Variants in CIC observed in about 807,000 individuals in gnomAD.
CIC encodes capicua transcriptional repressor, also known as protein capicua homolog.
Under a neutral mutation model 115.7 loss-of-function variants are expected in CIC, and 18 were observed. The ratio of observed to expected loss-of-function variants is 0.16; its 90% CI spans 0.11 to 0.23. The LOEUF (loss-of-function observed/expected upper bound fraction) is 0.23. Ranked by LOEUF, CIC falls within the 10% of genes least tolerant of loss-of-function variation. The pLI is 1.00. For synonymous variants in CIC, 1,076 were observed against 923.0 expected, an observed-to-expected ratio of 1.17 and a Z score of -3.01; for missense variants, 2,000 against 2,159.3, an observed-to-expected ratio of 0.93 and a Z score of 1.46.
In CIC at chr19:42,294,010, C is replaced by G; in HGVS notation, c.6843C>G (p.Pro2281=). ...LPEFRPEEVL[P]SPTLQSLATS... Reference sequence around the variant, plus strand: ...AGTTTCGGCCTGAGGAGGTGCTGCCCTCCCCCACCCTGCAGTCTCTGGCCA... The same window carrying G: ...AGTTTCGGCCTGAGGAGGTGCTGCCGTCCCCCACCCTGCAGTCTCTGGCCA... Residue 2281 remains proline, a synonymous_variant, in exon 18 of 21, where the codon CCC becomes CCG. Transcript: ENST00000681038. The G allele has an allele frequency of 6.2e-7, 1 of 1,613,630 alleles. No individual in the cohort carries two copies. The highest frequency in any genetic ancestry group is 1.1e-5 in the South Asian group (1 of 91,084).
Position 42,294,820 on chromosome 19 carries a change from C to A in CIC, c.7187-4C>A. ...TGTGCTCCCCACCGTTTTTCTATCT[C>A]CAGCCCAGGCCACAGCCGCCTTCCA... On this transcript the variant is annotated splice_region_variant and splice_polypyrimidine_tract_variant and intron_variant, in intron 20 of 20. Coordinates refer to ENST00000681038, the MANE Select transcript of CIC (RefSeq NM_001386298.1). The A allele has an allele frequency of 6.2e-7, 1 of 1,603,328 alleles. No homozygotes were observed.
intron 2 of CIC, among the ~76,000 whole-genome samples, chr19:42,278,044 C>CA (rs1599860206): frequency 1.3e-5 from 2 of 152,366 alleles, no homozygotes; most frequent in East Asian, 3.9e-4. Context: ...CATCAGAGGG[C>CA]AGCAGGTGTG....
rs534852169 is a variant in CIC at position 42,270,814 on chromosome 19, T to A, written c.-10-960T>A. ...CCTGGGGTGTAGCTCTGTGTCCCAC[T>A]GTGTGATGACGTGTGCGTGCTTCTG... On this transcript the variant is annotated intron_variant, in intron 1 of 20. Transcript: ENST00000681038. This position sits in a 1 kb window ranked among gnomAD's most constrained non-coding sequence, Gnocchi z 4.1. Among the ~76,000 whole-genome samples the A allele has an allele frequency of 2.0e-5, 3 of 152,112 alleles. No individual in the cohort carries two copies. The highest frequency in any genetic ancestry group is 4.4e-5 in the Non-Finnish European group (3 of 67,992).
chr19:42,294,332 C>A (rs753652538), intron 19 of CIC, 28 bp downstream of exon 19: 1 of 1,610,608 alleles, frequency 6.2e-7, no homozygotes, highest in African/African-American at 1.3e-5. Flanking sequence ...ACTTTGGGGG[C>A]CTGGGGACCT....
At chr19:42,292,274 C>G (rs758051264) in intron 13 of CIC, 26 bp from the exon 14 acceptor site, 2 of 1,613,516 alleles carry the variant, frequency 1.2e-6, no homozygotes, top group Non-Finnish European at 1.7e-6. Flanking sequence ...TTACCTCACT[C>G]CTCCCCATTT....
intron 2 of CIC, chr19:42,283,988 CGGAAGGCCGCGGGGGAAGCGG>C (rs1485248514): frequency 6.8e-6 from 1 of 147,250 alleles, no homozygotes; most frequent in African/African-American, 2.5e-5. Context: ...CGGGCTTGCG[CGGAAGGCCGCGGGGGAAGCGG>C]GGAAGGGGCG....
intron 1 of CIC, among the ~76,000 whole-genome samples, chr19:42,269,939 C>G (rs2036711348): frequency 1.3e-5 from 2 of 152,062 alleles, no homozygotes; most frequent in South Asian, 4.2e-4. Flanking sequence ...CTACTCAGAT[C>G]TGAGGAAGGT....
At chr19:42,289,552 C>T (rs1352937641) in intron 9 of CIC, 146 bp downstream of exon 9, 8 of 970,372 alleles carry the variant, frequency 8.2e-6, no homozygotes, top group South Asian at 2.8e-5. Flanking sequence ...CAGGCCCTGC[C>T]GAGTAAATCC....
rs1476250138 is a variant in CIC at position 42,280,527 on chromosome 19, C to G, written c.2794+5950C>G. On this transcript the variant is annotated intron_variant, in intron 2 of 20. Transcript: ENST00000681038. This position sits in a 1 kb window ranked among gnomAD's most constrained non-coding sequence, Gnocchi z 4.9. Reference sequence around the variant, plus strand: ...CCGCTGACCGCTGATTGGCCGAGACCTGCTTCTCCGCCCCTGAGCGATTAA... The same window carrying G: ...CCGCTGACCGCTGATTGGCCGAGACGTGCTTCTCCGCCCCTGAGCGATTAA... 6.6e-6 allele frequency among the ~76,000 whole-genome samples: 1 copy of G among 152,198 alleles called. No homozygotes were observed. The highest frequency in any genetic ancestry group is 1.5e-5 in the Non-Finnish European group (1 of 68,012).
rs747753757 is a variant in CIC, at chr19:42,293,776, C to T, written c.6707C>T (p.Thr2236Ile). Residue 2236 changes from threonine to isoleucine, a missense_variant, in exon 17 of 21, where the codon ACT (threonine) becomes ATT (isoleucine). Physicochemically the swap from Thr to Ile is moderately conservative, Grantham distance 89. Transcript: ENST00000681038. ...DTPERKEAAG[T>I]GKKVKVRPPP... The stretch of plus-strand genomic sequence containing the variant: ...CCGGAGCGCAAGGAGGCGGCTGGTA[C>T]TGGCAAGAAGGTGAAGGTGCGGCCC... 123 of 1,612,762 alleles carry T rather than the reference C, an allele frequency of 7.6e-5. No individual in the cohort carries two copies. Among genetic ancestry groups the T allele is most frequent in the Non-Finnish European group, 9.7e-5 (115 of 1,179,824 alleles).
chr19:42,292,807 A>G lies in CIC; in HGVS notation c.6144A>G (p.Pro2048=), dbSNP rs775334590. The change falls in exon 15 of 21, where the codon CCA becomes CCG. Residue 2048 remains proline, a synonymous_variant. Transcript: ENST00000681038. The part of the protein sequence containing the change: ...PAATILPKGP[P]APATATPAPT... Reference sequence around the variant, plus strand: ...CCACCATTCTGCCCAAGGGCCCGCCAGCCCCTGCCACTGCCACCCCAGCCC... The same window carrying G: ...CCACCATTCTGCCCAAGGGCCCGCCGGCCCCTGCCACTGCCACCCCAGCCC... The G allele has an allele frequency of 6.2e-7, 1 of 1,613,404 alleles. No homozygotes were observed. Among genetic ancestry groups the G allele is most frequent in the African/African-American group, 1.3e-5 (1 of 74,912 alleles).
At position 42,273,547 on chromosome 19, in the gene CIC, C is replaced by T; in HGVS notation, c.1764C>T (p.Asp588=). The change falls in exon 2 of 21, where the codon GAC becomes GAT. Residue 588 remains aspartate (D), a synonymous_variant. Transcript: ENST00000681038. ...GGCCACGCCTGGTGGCCCCTGCTGA[C>T]TTGTCACGCTTTGAGTTCGACGAGT... ...DSRPRLVAPA[D]LSRFEFDECE... 1 of 398,538 alleles carries T rather than the reference C, an allele frequency of 2.5e-6. No individual in the cohort carries two copies. The allele number at this position is 398,538 out of a possible 1,614,324, so 24.7% of individuals were successfully genotyped here.
chr19:42,286,621 C>T (rs1019300357), intron 2 of CIC, 150 bp from the exon 3 acceptor site: 26 of 871,232 alleles, frequency 3.0e-5, no homozygotes, highest in East Asian at 1.8e-4. Flanking sequence ...TCCTGAGTGA[C>T]GTTGCATGGA....
chr19:42,292,876 C>T lies in CIC; in HGVS notation c.6196+17C>T, dbSNP rs1271929142. 6.2e-7 allele frequency: 1 copy of T among 1,613,812 alleles called. No individual in the cohort carries two copies. Among genetic ancestry groups the T allele is most frequent in the Non-Finnish European group, 8.5e-7 (1 of 1,180,004 alleles). ...GCGCCACAGGTAGGTGTCAGATCAA[C>T]CCAGAGCAGAGTGAGTTGGGGGACC... On this transcript the variant is annotated intron_variant, in intron 15 of 20. Transcript: ENST00000681038.
At chr19:42,291,519 C>T (rs369744317) in intron 11 of CIC, 39 bp from the exon 12 acceptor site, 13 of 1,613,034 alleles carry the variant, frequency 8.1e-6, no homozygotes, top group East Asian at 2.2e-5. Context: ...CTGTTTGGCT[C>T]CCTTGTAACC....
rs566004190 is a variant in CIC, at chr19:42,290,286, C to G, written c.4245C>G (p.Cys1415Trp). Residue 1415 changes from cysteine to tryptophan, a missense_variant, in exon 11 of 21, where the codon TGC becomes TGG. Coordinates refer to ENST00000681038, the MANE Select transcript of CIC (RefSeq NM_001386298.1). Reference sequence around the variant, plus strand: ...TGATCCGTTCCTCCTTTACCCACTGCCGCCCCCCACTGGACCCTGAGCCCC... The same window carrying G: ...TGATCCGTTCCTCCTTTACCCACTGGCGCCCCCCACTGGACCCTGAGCCCC... ...SPVIRSSFTH[C>W]RPPLDPEPPG... 4 of 1,614,062 alleles carry G rather than the reference C, an allele frequency of 2.5e-6. No homozygotes were observed. Among genetic ancestry groups the G allele is most frequent in the Non-Finnish European group, 3.4e-6 (4 of 1,179,968 alleles).
In CIC at chr19:42,286,664, G is replaced by C. The variant is rs1258523984; in HGVS notation, c.2795-107G>C. On this transcript the variant is annotated intron_variant, in intron 2 of 20. Transcript: ENST00000681038. ...AAGAGGCTCTGGTGTTGGGGGTGGG[G>C]GGTAGACAAAAGGGGTGGGGCTACC... 2.8e-6 allele frequency: 4 copies of C among 1,429,720 alleles called. No homozygotes were observed. The African/African-American group carries it at 4.2e-5, about 15-fold the overall frequency. 88.6% of individuals were successfully genotyped at this position (1,429,720 alleles called of 1,614,324 possible).
chr19:42,291,490 TA>T (rs2038097681), intron 11 of CIC, 24 bp downstream of exon 11: 2 of 1,613,132 alleles, frequency 1.2e-6, no homozygotes, highest in Admixed American at 1.7e-5. Flanking sequence ...CGGGCAGCAC[TA>T]GGGGAGGGGC....
intron 3 of CIC, 21 bp from the exon 4 acceptor site, chr19:42,286,985 G>C (rs1054898201): frequency 6.2e-7 from 1 of 1,608,476 alleles, no homozygotes; most frequent in East Asian, 2.2e-5. Flanking sequence ...GGAGCCCTCT[G>C]ATCTACCTCT....
Sources: allele counts gnomAD v4.1 joint callset (sites outside exome capture counted in the v4.1 genomes callset), GRCh38; gene constraint gnomAD v4.1.1; non-coding constraint Gnocchi (gnomAD v3.1); transcripts MANE v1.5; gene names NCBI Gene and HGNC (gene_info 2026-07-23, HGNC 2026-07-21).